Variants in CPQ observed in about 807,000 individuals in gnomAD.
The protein encoded by CPQ is Ser-Met dipeptidase.
A neutral mutation model predicts 45.7 loss-of-function variants in CPQ; 37 were observed. The observed-to-expected ratio is 0.81, with a 90% CI of 0.62 to 1.07. The LOEUF is 1.07. Ranked by LOEUF, CPQ falls within the 50% of genes least tolerant of loss-of-function variation. The pLI, the probability that CPQ is intolerant of heterozygous loss-of-function variation, is 0.00. For synonymous variants in CPQ, 186 were observed against 205.8 expected, an observed-to-expected ratio of 0.90 and a Z score of 0.82; for missense variants, 537 against 572.9, an observed-to-expected ratio of 0.94 and a Z score of 0.64.
intron 1 of CPQ, among the ~76,000 whole-genome samples, chr8:96,743,981 C>T (rs1478210475): frequency 6.6e-6 from 1 of 152,222 alleles, no homozygotes; most frequent in Non-Finnish European, 1.5e-5. Context: ...AGGCAGGCCT[C>T]CTTGAGCTGT....
intron 7 of CPQ, among the ~76,000 whole-genome samples, chr8:97,099,963 C>T (rs1485577510): frequency 6.6e-6 from 1 of 152,162 alleles, no homozygotes; most frequent in East Asian, 1.9e-4. Context: ...TATTAACTAG[C>T]TATGTACCTC....
intron 5 of CPQ, among the ~76,000 whole-genome samples, chr8:97,018,089 C>A (rs980048900): frequency 7.2e-5 from 11 of 152,136 alleles, no homozygotes; most frequent in African/African-American, 2.7e-4. Context: ...CCAGTACCAG[C>A]CCAGACCTGG....
At chr8:96,959,524 G>T (rs909365390) in intron 4 of CPQ, among the ~76,000 whole-genome samples, 1 of 151,900 alleles carries the variant, frequency 6.6e-6, no homozygotes, top group Non-Finnish European at 1.5e-5. Flanking sequence ...GAAGCTTCTT[G>T]CTCGCTTATA....
chr8:97,046,193 G>T (rs948747054), intron 6 of CPQ, among the ~76,000 whole-genome samples: 7 of 151,630 alleles, frequency 4.6e-5, no homozygotes, highest in African/African-American at 1.7e-4. Flanking sequence ...TGTATTTTCT[G>T]CTGACTCACT....
At chr8:96,793,788 T>TA (rs1810885204) in intron 2 of CPQ, among the ~76,000 whole-genome samples, 1 of 152,100 alleles carries the variant, frequency 6.6e-6, no homozygotes, top group African/African-American at 2.4e-5. Context: ...ATTGGGTAAA[T>TA]ACAGCCATTC....
intron 5 of CPQ, among the ~76,000 whole-genome samples, chr8:97,011,452 A>T (rs1008175504): frequency 6.6e-6 from 1 of 152,222 alleles, no homozygotes; most frequent in African/African-American, 2.4e-5. Flanking sequence ...CTCTAAGTTG[A>T]GATTTTTCAC....
chr8:96,888,487 T>C (rs1812332090), intron 4 of CPQ, among the ~76,000 whole-genome samples: 1 of 152,222 alleles, frequency 6.6e-6, no homozygotes, highest in Non-Finnish European at 1.5e-5. Context: ...CTGTGTACTG[T>C]TAAATAGCAA....
At chr8:96,800,335 A>T (rs1810989760) in intron 2 of CPQ, among the ~76,000 whole-genome samples, 1 of 152,202 alleles carries the variant, frequency 6.6e-6, no homozygotes, top group Non-Finnish European at 1.5e-5. Flanking sequence ...TATTAATAAA[A>T]TGTGTTGGCA....
At chr8:96,794,589 C>A (rs1810900059) in intron 2 of CPQ, among the ~76,000 whole-genome samples, 1 of 152,196 alleles carries the variant, frequency 6.6e-6, no homozygotes, top group African/African-American at 2.4e-5. Context: ...ATGCAAATTT[C>A]TTCAGCCAGC....
At chr8:96,647,064 T>G (rs1228870604) in intron 1 of CPQ, among the ~76,000 whole-genome samples, 1 of 152,234 alleles carries the variant, frequency 6.6e-6, no homozygotes, top group Non-Finnish European at 1.5e-5. Context: ...GCATCACTAT[T>G]TCTTCGCATG....
intron 7 of CPQ, among the ~76,000 whole-genome samples, chr8:97,100,430 G>A (rs1370922669): frequency 1.3e-5 from 2 of 152,144 alleles, no homozygotes; most frequent in African/African-American, 4.8e-5. Flanking sequence ...AACACAGGAG[G>A]TAATGAGCAT....
intron 4 of CPQ, among the ~76,000 whole-genome samples, chr8:96,953,427 C>T (rs1275980024): frequency 6.6e-6 from 1 of 152,060 alleles, no homozygotes; most frequent in Non-Finnish European, 1.5e-5. Context: ...TTCTCACTGG[C>T]CTGATTATTC....
chr8:96,802,618 C>T (rs1447277869), intron 2 of CPQ, among the ~76,000 whole-genome samples: 1 of 152,072 alleles, frequency 6.6e-6, no homozygotes, highest in Admixed American at 6.5e-5. Flanking sequence ...CAAACTGAAA[C>T]TTTTTTTCTT....
chr8:97,107,813 C>T (rs558081230), intron 7 of CPQ, among the ~76,000 whole-genome samples: 9 of 152,222 alleles, frequency 5.9e-5, no homozygotes, highest in African/African-American at 2.2e-4. Context: ...AACATGTTTG[C>T]TCATGAGAAC....
At chr8:96,698,883 G>A (rs1809421015) in intron 1 of CPQ, among the ~76,000 whole-genome samples, 1 of 152,138 alleles carries the variant, frequency 6.6e-6, no homozygotes, top group African/African-American at 2.4e-5. Context: ...CTATTGGTGG[G>A]AATGTAAATT....
chr8:96,685,410 G>A (rs186136669), intron 1 of CPQ, among the ~76,000 whole-genome samples: 1 of 152,064 alleles, frequency 6.6e-6, no homozygotes, highest in Admixed American at 6.5e-5. Context: ...GGTGTAAGGT[G>A]TGTTATATAT....
chr8:97,129,332 C>T (rs186623257), intron 7 of CPQ, among the ~76,000 whole-genome samples: 6 of 152,186 alleles, frequency 3.9e-5, no homozygotes, highest in East Asian at 1.9e-4. Context: ...CCAAGTAAAA[C>T]GGCCTACACA....
intron 1 of CPQ, among the ~76,000 whole-genome samples, chr8:96,692,265 G>A (rs1048952099): frequency 6.6e-6 from 1 of 152,208 alleles, no homozygotes; most frequent in Non-Finnish European, 1.5e-5. Context: ...TACCTTGCTT[G>A]TAGGTGTGTA....
chr8:96,967,864 T>C (rs1414543944), intron 5 of CPQ, among the ~76,000 whole-genome samples: 1 of 152,238 alleles, frequency 6.6e-6, no homozygotes, highest in East Asian at 1.9e-4. Context: ...TCTCTGTGCC[T>C]CAATTTTCTC....
Sources: allele counts gnomAD v4.1 joint callset (sites outside exome capture counted in the v4.1 genomes callset), GRCh38; gene constraint gnomAD v4.1.1; transcripts MANE v1.5; gene names NCBI Gene and HGNC (gene_info 2026-07-23, HGNC 2026-07-21).